GXYLT2: variants seen among roughly 807,000 people sequenced by gnomAD.
GXYLT2 encodes the protein glucoside xylosyltransferase 2.
In GXYLT2, 53 loss-of-function variants were observed where a neutral mutation model predicts 45.8. The ratio of observed to expected loss-of-function variants is 1.16; its 90% CI spans 0.93 to 1.46. GXYLT2 has a LOEUF of 1.46. Ranked by LOEUF, GXYLT2 falls within the 40% of genes most tolerant of loss-of-function variation. The pLI is 0.00. For missense variants in GXYLT2, 551 were observed against 544.4 expected (o/e 1.01, Z -0.12); for synonymous variants, 219 against 214.2 (o/e 1.02, Z -0.19).
At chr3:72,921,526 C>T (rs1709833283) in intron 2 of GXYLT2, among the ~76,000 whole-genome samples, 1 of 152,110 alleles carries the variant, frequency 6.6e-6, no homozygotes, top group African/African-American at 2.4e-5. Context: ...CTCCCTGGTT[C>T]AAAGCAATTC....
At chr3:72,927,810 G>A (rs1197435055) in intron 3 of GXYLT2, among the ~76,000 whole-genome samples, 1 of 152,144 alleles carries the variant, frequency 6.6e-6, no homozygotes, top group Non-Finnish European at 1.5e-5. Flanking sequence ...CAATTTTGTT[G>A]AACAAGCTTT....
At position 72,914,836 on chromosome 3, in the gene GXYLT2, C is replaced by T. The variant is rs559580077; in HGVS notation, c.468+6277C>T. 2.0e-5 allele frequency among the ~76,000 whole-genome samples: 3 copies of T among 152,274 alleles called. No individual in the cohort carries two copies. The East Asian group carries it at 5.8e-4, about 29-fold the overall frequency. On this transcript the variant is annotated intron_variant, in intron 2 of 6. Transcript: ENST00000389617. The stretch of plus-strand genomic sequence containing the variant: ...CCCCTGAGTCTGGTTCTCCAGCCCT[C>T]CCACTGGTCTTCTGAGCTACCTAAC...
intron 2 of GXYLT2, among the ~76,000 whole-genome samples, chr3:72,909,062 C>CTTTTTTTTTTTTTTTTTT (rs71126804): frequency 1.1e-5 from 1 of 91,120 alleles, no homozygotes; most frequent in Non-Finnish European, 2.1e-5. Context: ...TTCTTCCTTT[C>CTTTTTTTTTTTTTTTTTT]TTTTTTTTTT....
At chr3:72,929,008 G>A (rs1054981399) in intron 3 of GXYLT2, 10 of 1,291,766 alleles carry the variant, frequency 7.7e-6, no homozygotes, top group African/African-American at 5.8e-5. Context: ...CTCCAGCGCC[G>A]CGCAGCCACC....
chr3:72,934,080 CTTTTTTT>C (rs375690427), intron 3 of GXYLT2, among the ~76,000 whole-genome samples: 2 of 121,060 alleles, frequency 1.7e-5, no homozygotes, highest in Non-Finnish European at 1.7e-5. Flanking sequence ...TAATTTTATT[CTTTTTTT>C]TTTTTTTTTT....
chr3:72,904,942 G>C (rs1709480624), intron 1 of GXYLT2, among the ~76,000 whole-genome samples: 1 of 150,348 alleles, frequency 6.7e-6, no homozygotes, highest in South Asian at 2.1e-4. Context: ...CCAGCTACTT[G>C]GGAGGCTGAG....
intron 1 of GXYLT2, among the ~76,000 whole-genome samples, chr3:72,896,931 C>T (rs1045310106): frequency 6.6e-6 from 1 of 151,950 alleles, no homozygotes; most frequent in Non-Finnish European, 1.5e-5. Flanking sequence ...AAATAACATG[C>T]TTTTTGCTGC....
chr3:72,940,171 A>G (rs2107124008), intron 3 of GXYLT2, among the ~76,000 whole-genome samples: 1 of 152,322 alleles, frequency 6.6e-6, no homozygotes, highest in Admixed American at 6.5e-5. Flanking sequence ...AAAGTAAATA[A>G]AATGAAAATG....
Position 72,888,188 on chromosome 3 carries a change from G to C in GXYLT2, c.-46G>C, listed in dbSNP as rs1709101486. ...CATCCTGCCGCCGCCGCGATGCGCA[G>C]AGGGGCCGAGCCGCCTGGGGGCCGC... On this transcript the variant is annotated 5_prime_UTR_variant, in exon 1 of 7. Coordinates refer to ENST00000389617, the MANE Select transcript of GXYLT2 (RefSeq NM_001080393.2). 4.1e-6 allele frequency: 4 copies of C among 982,970 alleles called. No homozygotes were observed. Among genetic ancestry groups the C allele is most frequent in the Non-Finnish European group, 4.8e-6 (4 of 829,884 alleles). The allele number at this position is 982,970 out of a possible 1,614,324, so 60.9% of individuals were successfully genotyped here.
intron 2 of GXYLT2, among the ~76,000 whole-genome samples, chr3:72,916,245 T>A (rs1484590885): frequency 6.7e-6 from 1 of 150,116 alleles, no homozygotes; most frequent in Non-Finnish European, 1.5e-5. Context: ...GTTTGGCCCC[T>A]GAGTGAGAAT....
intron 2 of GXYLT2, among the ~76,000 whole-genome samples, chr3:72,914,498 T>C (rs1486383988): frequency 3.3e-5 from 5 of 151,108 alleles, no homozygotes; most frequent in Non-Finnish European, 7.4e-5. Context: ...TATATATGTA[T>C]GTTTTTATAT....
chr3:72,966,634 C>CA (rs1710871907), intron 5 of GXYLT2, among the ~76,000 whole-genome samples: 4 of 101,868 alleles, frequency 3.9e-5, no homozygotes, highest in Admixed American at 3.1e-4. Context: ...TTGGTTTGTT[C>CA]GTTTTTTTTT....
Position 72,917,644 on chromosome 3 carries a change from C to G in GXYLT2, c.469-4560C>G, listed in dbSNP as rs142707573. Among the ~76,000 whole-genome samples, 624 of 151,306 alleles carry G rather than the reference C, an allele frequency of 4.1e-3. 5 individuals are homozygous for G. The highest frequency in any genetic ancestry group is 0.013 in the East Asian group (68 of 5,130). On this transcript the variant is annotated intron_variant, in intron 2 of 6. Coordinates refer to ENST00000389617, the MANE Select transcript of GXYLT2 (RefSeq NM_001080393.2). ...TGATGGCATGCATGTGTGGTCCCAG[C>G]TACTTGGGAGGCTGAGGTGGGAGGA... is the stretch of plus-strand genomic sequence containing the variant.
At chr3:72,928,908 C>T (rs558838881) in intron 3 of GXYLT2, 5 of 691,726 alleles carry the variant, frequency 7.2e-6, no homozygotes, top group Middle Eastern at 3.7e-4. Flanking sequence ...CGGAACCCGG[C>T]GTTCGTCCCC....
At position 72,895,847 on chromosome 3, in the gene GXYLT2, A is replaced by G. The variant is rs551696395; in HGVS notation, c.275+7339A>G. On this transcript the variant is annotated intron_variant, in intron 1 of 6. Coordinates refer to ENST00000389617, the MANE Select transcript of GXYLT2 (RefSeq NM_001080393.2). ...GAGTAACCTTGATATATTTCAAGTG[A>G]CTTTTAGATGATCCCCCATCTCTTT... 1.4e-4 allele frequency among the ~76,000 whole-genome samples: 22 copies of G among 152,344 alleles called. No individual in the cohort carries two copies. The South Asian group carries it at 4.4e-3, about 30-fold the overall frequency.
At chr3:72,894,752 A>T (rs1709251669) in intron 1 of GXYLT2, among the ~76,000 whole-genome samples, 1 of 152,190 alleles carries the variant, frequency 6.6e-6, no homozygotes, top group African/African-American at 2.4e-5. Flanking sequence ...TGCCAGGTGG[A>T]GGTTGTTGAG....
chr3:72,951,100 A>G (rs1392768386), intron 3 of GXYLT2, among the ~76,000 whole-genome samples: 1 of 152,192 alleles, frequency 6.6e-6, no homozygotes, highest in Non-Finnish European at 1.5e-5. Context: ...ACATCCCATT[A>G]TAACATGGCC....
At chr3:72,929,361 T>TG in intron 3 of GXYLT2, 1 of 1,050,090 alleles carries the variant, frequency 9.5e-7, no homozygotes, top group Non-Finnish European at 1.5e-6. Flanking sequence ...GCATTACATT[T>TG]GGGGAAAAAA....
chr3:72,913,741 G>A (rs1709680054), intron 2 of GXYLT2, among the ~76,000 whole-genome samples: 2 of 152,248 alleles, frequency 1.3e-5, no homozygotes, highest in South Asian at 4.2e-4. Flanking sequence ...TAGGCAGGGT[G>A]TATACTACCG....
Sources: gnomAD v4.1 joint callset for allele counts (sites outside exome capture counted in the v4.1 genomes callset) on GRCh38, gnomAD v4.1.1 for gene constraint, MANE v1.5 for transcripts, NCBI Gene and HGNC (gene_info 2026-07-23, HGNC 2026-07-21) for gene names.